Variants in CAPSL observed in about 807,000 individuals in gnomAD.
The protein encoded by CAPSL is calcyphosin-like protein.
A neutral mutation model predicts 21.3 loss-of-function variants in CAPSL; 17 were observed. The observed-to-expected ratio is 0.80, with a 90% CI of 0.55 to 1.20. The LOEUF (loss-of-function observed/expected upper bound fraction) is 1.20. Among genes scored for constraint, CAPSL ranks in the 50% most tolerant of loss-of-function variants. The pLI is 0.00. For synonymous variants in CAPSL, 102 were observed against 89.3 expected (o/e 1.14, Z -0.80); for missense variants, 289 against 259.3 (o/e 1.11, Z -0.79).
intron 2 of CAPSL, among the ~76,000 whole-genome samples, chr5:35,911,757 G>C (rs1738228948): frequency 6.6e-6 from 1 of 152,174 alleles, no homozygotes; most frequent in African/African-American, 2.4e-5. Flanking sequence ...GAGCAAGATG[G>C]CCAAATAGGA....
intron 1 of CAPSL, among the ~76,000 whole-genome samples, chr5:35,923,761 G>A (rs1738598515): frequency 1.3e-5 from 2 of 152,298 alleles, no homozygotes; most frequent in East Asian, 1.9e-4. Flanking sequence ...AGGGCCAGTG[G>A]GGAGTGACTG....
At position 35,921,012 on chromosome 5, in the gene CAPSL, C is replaced by T. The variant is rs151068422; in HGVS notation, c.109G>A (p.Gly37Ser). ...CCAAGTCCTTTGATCCCAGCAGAGC[C>T]CCTGGCCAGGCACTGCAGTCGGAGT... is the stretch of plus-strand genomic sequence containing the variant. The part of the protein sequence containing the change: ...ERLRLQCLAR[G>S]SAGIKGLGRV... The change falls in exon 2 of 5, where the codon GGC becomes AGC. Residue 37 changes from glycine (G) to serine (S), a missense_variant. Physicochemically the swap from Gly to Ser is moderately conservative, Grantham distance 56 (BLOSUM62 0). Transcript: ENST00000651391. 89 of 1,613,994 alleles carry T rather than the reference C, an allele frequency of 5.5e-5. No homozygotes were observed. The highest frequency in any genetic ancestry group is 7.1e-5 in the Non-Finnish European group (84 of 1,180,024).
chr5:35,930,796 A>G (rs1054992916), intron 1 of CAPSL, among the ~76,000 whole-genome samples: 1 of 152,182 alleles, frequency 6.6e-6, no homozygotes, highest in African/African-American at 2.4e-5. Context: ...AAGTCATTCT[A>G]TTTCCCTTTT....
rs1470914911 is a variant in CAPSL, at chr5:35,910,326, G to A, written c.315+40C>T. 2.5e-6 allele frequency: 4 copies of A among 1,591,068 alleles called. No homozygotes were observed. In the African/African-American group the frequency reaches 5.4e-5, roughly 21 times the overall value. On this transcript the variant is annotated intron_variant, in intron 3 of 4. Coordinates refer to ENST00000651391, the MANE Select transcript of CAPSL (RefSeq NM_001042625.2). ...GGTAGCCAACCCAAACCACGTGAAA[G>A]CCAAACTCAGCAGATACACTGATTA...
rs1561435685 is a variant in CAPSL at position 35,909,993 on chromosome 5, ATTGTTATAACACCATCTCCAGTCTTGT to A, written c.371_397del (p.Asp124_Ile133delinsVal). On this transcript the variant is annotated inframe_deletion, in exon 4 of 5. Coordinates refer to ENST00000651391, the MANE Select transcript of CAPSL (RefSeq NM_001042625.2). ...ATTATATACTTCACGAAGGTCTTCG[ATTGTTATAACACCATCTCCAGTCTTGT>A]CTAACTTTCTAAAAGCTTGCATGAT... 6.2e-7 allele frequency: 1 copy of A among 1,613,716 alleles called. No homozygotes were observed. The highest frequency in any genetic ancestry group is 1.3e-5 in the African/African-American group (1 of 74,910).
chr5:35,922,375 C>T (rs1172319941), intron 1 of CAPSL, among the ~76,000 whole-genome samples: 1 of 152,186 alleles, frequency 6.6e-6, no homozygotes, highest in Non-Finnish European at 1.5e-5. Context: ...CACTTTCTTG[C>T]AGCCTCCACC....
chr5:35,917,166 A>C (rs371204129), intron 2 of CAPSL, among the ~76,000 whole-genome samples: 17 of 152,232 alleles, frequency 1.1e-4, no homozygotes, highest in Admixed American at 2.6e-4. Context: ...CCACAATGAC[A>C]TACCATCTCA....
chr5:35,917,646 C>T (rs947498958), intron 2 of CAPSL, among the ~76,000 whole-genome samples: 1 of 152,074 alleles, frequency 6.6e-6, no homozygotes, highest in Non-Finnish European at 1.5e-5. Flanking sequence ...TGTTCGCACT[C>T]ATAGGTGGGA....
intron 2 of CAPSL, among the ~76,000 whole-genome samples, chr5:35,919,171 A>T (rs185184141): frequency 1.2e-3 from 76 of 64,234 alleles, no homozygotes; most frequent in African/African-American, 3.4e-3. Context: ...AAAAAAAAAA[A>T]TATATATATA....
At chr5:35,934,450 C>T (rs1477793160) in intron 1 of CAPSL, among the ~76,000 whole-genome samples, 1 of 152,228 alleles carries the variant, frequency 6.6e-6, no homozygotes, top group Non-Finnish European at 1.5e-5. Flanking sequence ...TCCCCACCCA[C>T]ATCTGTGCTA....
chr5:35,926,577 G>A (rs1738691203), intron 1 of CAPSL, among the ~76,000 whole-genome samples: 1 of 152,202 alleles, frequency 6.6e-6, no homozygotes, highest in African/African-American at 2.4e-5. Context: ...ACAGATTTAA[G>A]AGGACCCTTG....
chr5:35,925,111 T>C (rs1469954027), intron 1 of CAPSL, among the ~76,000 whole-genome samples: 1 of 152,192 alleles, frequency 6.6e-6, no homozygotes, highest in Non-Finnish European at 1.5e-5. Flanking sequence ...GTCTGCACAT[T>C]CCCCCGGCCA....
chr5:35,931,457 T>C (rs1354249102), intron 1 of CAPSL, among the ~76,000 whole-genome samples: 1 of 150,000 alleles, frequency 6.7e-6, no homozygotes, highest in African/African-American at 2.4e-5. Context: ...AAAAACAAGG[T>C]TTAATAAAAT....
intron 1 of CAPSL, among the ~76,000 whole-genome samples, chr5:35,922,802 A>G (rs1337839948): frequency 1.3e-5 from 2 of 152,154 alleles, no homozygotes; most frequent in South Asian, 2.1e-4. Flanking sequence ...GACAATTCCC[A>G]GAGCTCGTTC....
chr5:35,929,318 T>C (rs1468244030), intron 1 of CAPSL, among the ~76,000 whole-genome samples: 1 of 141,794 alleles, frequency 7.1e-6, no homozygotes, highest in Non-Finnish European at 1.5e-5. Context: ...AGAGTCTCGC[T>C]CTGTTGCCCA....
chr5:35,919,169 A>ATT (rs1561439681), intron 2 of CAPSL, among the ~76,000 whole-genome samples: 4 of 123,844 alleles, frequency 3.2e-5, no homozygotes, highest in African/African-American at 1.2e-4. Flanking sequence ...TTAAAAAAAA[A>ATT]AATATATATA....
chr5:35,908,114 A>T (rs988122781), intron 4 of CAPSL, among the ~76,000 whole-genome samples: 2 of 152,226 alleles, frequency 1.3e-5, no homozygotes, highest in Admixed American at 6.5e-5. Flanking sequence ...TATTATATTT[A>T]GTAATTTTAA....
intron 1 of CAPSL, among the ~76,000 whole-genome samples, chr5:35,923,242 CA>C: frequency 6.6e-6 from 1 of 152,060 alleles, no homozygotes; most frequent in East Asian, 2.0e-4. Flanking sequence ...TGAAGAGAAA[CA>C]GAGACTAAAA....
intron 2 of CAPSL, among the ~76,000 whole-genome samples, chr5:35,919,191 A>AT (rs1561439733): frequency 0.17 from 17,577 of 105,282 alleles, 1,554 homozygotes; most frequent in Non-Finnish European, 0.23. Context: ...ATATATATAT[A>AT]AAAATTGTGA....
Sources: gnomAD v4.1 joint callset for allele counts (sites outside exome capture counted in the v4.1 genomes callset) on GRCh38, gnomAD v4.1.1 for gene constraint, MANE v1.5 for transcripts, NCBI Gene and HGNC (gene_info 2026-07-23, HGNC 2026-07-21) for gene names.